The following IL1RAPL1 variants were observed in gnomAD, a reference collection of about 807,000 sequenced individuals.
The protein encoded by IL1RAPL1 is interleukin-1 receptor accessory protein-like 1.
Under a neutral mutation model 48.4 loss-of-function variants are expected in IL1RAPL1, and 3 were observed. The ratio of observed to expected loss-of-function variants is 0.06; its 90% CI spans 0.03 to 0.16. The LOEUF (loss-of-function observed/expected upper bound fraction) is 0.16, where lower values mean the gene tolerates loss of function less well. IL1RAPL1 is among the 10% of genes least tolerant of loss of function. The probability of loss-of-function intolerance (pLI) is 1.00; values close to 1 mark genes in which losing one functional copy is unlikely to be tolerated. For missense variants in IL1RAPL1, 349 were observed against 530.6 expected (o/e 0.66, Z 3.36); for synonymous variants, 185 against 187.7 (o/e 0.99, Z 0.12).
intron 2 of IL1RAPL1, among the ~76,000 whole-genome samples, chrX:29,006,064 T>G (rs1256071511): frequency 1.8e-5 from 2 of 111,411 alleles, no homozygotes; most frequent in Non-Finnish European, 3.8e-5. Context: ...CAGAACATGC[T>G]CTATGCCATG....
chrX:29,127,922 C>G (rs1452754142), intron 2 of IL1RAPL1, among the ~76,000 whole-genome samples: 2 of 108,110 alleles, frequency 1.8e-5, no homozygotes, highest in Non-Finnish European at 3.8e-5. Flanking sequence ...TGAGATTGTG[C>G]CACTGCACTC....
intron 2 of IL1RAPL1, among the ~76,000 whole-genome samples, chrX:28,873,523 CTTTTTTTTTTTT>C (rs10554661): frequency 7.1e-5 from 4 of 56,679 alleles, no homozygotes; most frequent in Admixed American, 4.9e-4. Context: ...TTCTTTCTTT[CTTTTTTTTTTTT>C]TTTTTTTTTT....
chrX:29,184,847 C>A (rs983942480), intron 2 of IL1RAPL1, among the ~76,000 whole-genome samples: 2 of 111,996 alleles, frequency 1.8e-5, no homozygotes, highest in East Asian at 5.6e-4. Context: ...CTTTTTTCCC[C>A]GGATTTCTTG....
intron 6 of IL1RAPL1, among the ~76,000 whole-genome samples, chrX:29,863,273 T>C (rs1372200592): frequency 8.9e-6 from 1 of 112,216 alleles, no homozygotes; most frequent in African/African-American, 3.2e-5. Context: ...GCTGACACAA[T>C]GCAAATTTTA....
At chrX:29,901,263 T>C (rs1263448926) in intron 6 of IL1RAPL1, among the ~76,000 whole-genome samples, 1 of 112,026 alleles carries the variant, frequency 8.9e-6, no homozygotes, top group Non-Finnish European at 1.9e-5. Context: ...GGTCTACAAC[T>C]GGGTAGCCAC....
chrX:29,191,098 T>C (rs907746989), intron 2 of IL1RAPL1, among the ~76,000 whole-genome samples: 1 of 111,777 alleles, frequency 8.9e-6, no homozygotes, highest in Non-Finnish European at 1.9e-5. Context: ...AAAATGAGTT[T>C]CATGTATTTG....
chrX:29,784,380 C>T (rs1395796665), intron 6 of IL1RAPL1, among the ~76,000 whole-genome samples: 1 of 111,038 alleles, frequency 9.0e-6, no homozygotes, highest in Non-Finnish European at 1.9e-5. Context: ...CTATACCTCC[C>T]ATTAGGTGAG....
chrX:29,477,352 T>C (rs1236235045), intron 5 of IL1RAPL1, among the ~76,000 whole-genome samples: 2 of 111,971 alleles, frequency 1.8e-5, no homozygotes, highest in South Asian at 3.8e-4. Flanking sequence ...TCTCCTCCAA[T>C]AGTTGGCATA....
intron 5 of IL1RAPL1, among the ~76,000 whole-genome samples, chrX:29,399,821 GA>G (rs113185068): frequency 0.43 from 31,241 of 73,507 alleles, 5,005 homozygotes; most frequent in Middle Eastern, 0.67. Flanking sequence ...CGAAGTCTCA[GA>G]AAAAAAAAAA....
At chrX:29,075,566 T>C (rs930511965) in intron 2 of IL1RAPL1, among the ~76,000 whole-genome samples, 1 of 111,811 alleles carries the variant, frequency 8.9e-6, no homozygotes, top group Non-Finnish European at 1.9e-5. Context: ...GTGCAGCAAA[T>C]GTTAAATTTA....
chrX:29,859,867 A>G (rs1362374262), intron 6 of IL1RAPL1, among the ~76,000 whole-genome samples: 1 of 112,054 alleles, frequency 8.9e-6, no homozygotes, highest in Non-Finnish European at 1.9e-5. Context: ...ACATTTAAAG[A>G]TAAAATACAT....
intron 2 of IL1RAPL1, among the ~76,000 whole-genome samples, chrX:28,808,312 A>G (rs890301391): frequency 9.0e-6 from 1 of 111,304 alleles, no homozygotes; most frequent in Non-Finnish European, 1.9e-5. Flanking sequence ...CACTTAGTTT[A>G]TGCCACCATG....
intron 1 of IL1RAPL1, among the ~76,000 whole-genome samples, chrX:28,694,626 A>G (rs1935211792): frequency 1.8e-5 from 2 of 111,982 alleles, no homozygotes; most frequent in Non-Finnish European, 3.8e-5. Flanking sequence ...ACAATTCAAA[A>G]AAACAAAATA....
chrX:29,434,951 C>T (rs1042349436), intron 5 of IL1RAPL1, among the ~76,000 whole-genome samples: 2 of 110,606 alleles, frequency 1.8e-5, no homozygotes, highest in Non-Finnish European at 3.8e-5. Context: ...AAAAATAAAC[C>T]CCACACCTTT....
chrX:29,204,564 T>G (rs1930624937), intron 2 of IL1RAPL1, among the ~76,000 whole-genome samples: 1 of 111,967 alleles, frequency 8.9e-6, no homozygotes, highest in Non-Finnish European at 1.9e-5. Context: ...TGCTTATTTT[T>G]AATAGGATTA....
At chrX:28,832,511 T>A (rs5985920) in intron 2 of IL1RAPL1, among the ~76,000 whole-genome samples, 5,539 of 111,156 alleles carry the variant, frequency 0.05, 380 homozygotes, top group African/African-American at 0.17. Context: ...ACATTTGTTG[T>A]CATTTAATAA....
intron 2 of IL1RAPL1, among the ~76,000 whole-genome samples, chrX:29,144,205 G>A (rs1303139356): frequency 1.8e-5 from 2 of 111,364 alleles, no homozygotes; most frequent in Non-Finnish European, 3.8e-5. Flanking sequence ...AAGATTAAAG[G>A]AGGGCAGTGG....
chrX:29,199,046 G>A (rs1487766030), intron 2 of IL1RAPL1, among the ~76,000 whole-genome samples: 1 of 111,666 alleles, frequency 9.0e-6, no homozygotes, highest in Admixed American at 9.6e-5. Flanking sequence ...ATGTCCATGA[G>A]TAATGCATGG....
intron 6 of IL1RAPL1, among the ~76,000 whole-genome samples, chrX:29,870,344 A>AG (rs1402791264): frequency 8.9e-6 from 1 of 112,100 alleles, no homozygotes; most frequent in African/African-American, 3.2e-5. Context: ...ATTGAGGCTG[A>AG]GGATACCTAG....
Sources: gnomAD v4.1 joint callset for allele counts (sites outside exome capture counted in the v4.1 genomes callset) on GRCh38, gnomAD v4.1.1 for gene constraint, MANE v1.5 for transcripts, NCBI Gene and HGNC (gene_info 2026-07-23, HGNC 2026-07-21) for gene names.